Variants in MGRN1 observed in about 807,000 individuals in gnomAD.
MGRN1 encodes mahogunin ring finger 1, also known as E3 ubiquitin-protein ligase MGRN1.
A neutral mutation model predicts 69.2 loss-of-function variants in MGRN1; 29 were observed. That is an observed-to-expected ratio of 0.42 (90% CI 0.31 to 0.57). The LOEUF (loss-of-function observed/expected upper bound fraction) is 0.57. Among genes scored for constraint, MGRN1 ranks in the 20% least tolerant of loss-of-function variants. The pLI, the probability that MGRN1 is intolerant of heterozygous loss-of-function variation, is 0.15. For missense variants in MGRN1, 998 were observed against 796.2 expected, an observed-to-expected ratio of 1.25 and a Z score of -3.05; for synonymous variants, 470 against 344.2, an observed-to-expected ratio of 1.37 and a Z score of -4.04.
chr16:4,690,297 C>T lies in MGRN1; in HGVS notation c.*1389C>T, dbSNP rs1329684091. The T allele has an allele frequency of 1.3e-5, 2 of 152,090 alleles. No homozygotes were observed. The highest frequency in any genetic ancestry group is 2.9e-5 in the Non-Finnish European group (2 of 68,036). 9.4% of individuals were successfully genotyped at this position (152,090 alleles called of 1,614,324 possible). On this transcript the variant is annotated 3_prime_UTR_variant, in exon 17 of 17. Coordinates refer to ENST00000262370, the MANE Select transcript of MGRN1 (RefSeq NM_015246.4). ...TGGGCCTGGTGACCCAGGGCTGGAT[C>T]CACCCCTGCGGAGCCCTGGGCCAGG...
chr16:4,672,447 C>G (rs1484648469), intron 9 of MGRN1: 1 of 456,638 alleles, frequency 2.2e-6, no homozygotes, highest in Admixed American at 2.3e-5. Flanking sequence ...CATCTGGGCC[C>G]AGGACAACTG....
intron 1 of MGRN1, among the ~76,000 whole-genome samples, chr16:4,645,403 G>A (rs746665117): frequency 5.9e-5 from 9 of 152,082 alleles, no homozygotes; most frequent in Admixed American, 2.0e-4. Flanking sequence ...TCTGGGGCTC[G>A]AGCGATCCTC....
chr16:4,648,893 C>T (rs1298064979), intron 1 of MGRN1, among the ~76,000 whole-genome samples: 1 of 149,668 alleles, frequency 6.7e-6, no homozygotes, highest in Non-Finnish European at 1.5e-5. Flanking sequence ...TTCCCGTGGT[C>T]ACCCGGCTCC....
intron 1 of MGRN1, among the ~76,000 whole-genome samples, chr16:4,639,553 C>T (rs936692493): frequency 3.9e-5 from 6 of 152,218 alleles, no homozygotes; most frequent in Non-Finnish European, 8.8e-5. Flanking sequence ...GGACAGTTGT[C>T]TCCAAGGCCT....
chr16:4,625,110 G>C, intron 1 of MGRN1, 62 bp downstream of exon 1: 1 of 1,424,966 alleles, frequency 7.0e-7, no homozygotes, highest in African/African-American at 1.5e-5. Context: ...CCCGGCGGGC[G>C]CGGGGGCGGG....
At chr16:4,683,334 C>A in intron 15 of MGRN1, 65 bp downstream of exon 15, 4 of 1,573,646 alleles carry the variant, frequency 2.5e-6, no homozygotes, top group Non-Finnish European at 2.6e-6. Flanking sequence ...CTTACTGGGG[C>A]CTTAGGGCTC....
Position 4,688,867 on chromosome 16 carries a change from C to T in MGRN1, c.1690C>T (p.Pro564Ser), listed in dbSNP as rs1282097330. The T allele has an allele frequency of 1.9e-6, 3 of 1,554,232 alleles. No homozygotes were observed. Among genetic ancestry groups the T allele is most frequent in the Non-Finnish European group, 1.7e-6 (2 of 1,148,520 alleles). ...TSPTWPPLGG[P>S]SPDPSAAELT... Reference sequence around the variant, plus strand: ...CCCCACCTGGCCTCCACTTGGTGGCCCCAGCCCCGATCCCAGCGCCGCCGA... The same window carrying T: ...CCCCACCTGGCCTCCACTTGGTGGCTCCAGCCCCGATCCCAGCGCCGCCGA... The change falls in exon 17 of 17, where the codon CCC becomes TCC. Residue 564 changes from proline (P) to serine (S), a missense_variant. Coordinates refer to ENST00000262370, the MANE Select transcript of MGRN1 (RefSeq NM_015246.4).
At chr16:4,679,447 G>A (rs1183030224) in intron 11 of MGRN1, among the ~76,000 whole-genome samples, 2 of 152,030 alleles carry the variant, frequency 1.3e-5, no homozygotes, top group Non-Finnish European at 1.5e-5. Flanking sequence ...AAAAGCAAAC[G>A]CTCCTCCTCA....
intron 11 of MGRN1, among the ~76,000 whole-genome samples, chr16:4,678,227 C>G (rs551995135): frequency 2.0e-5 from 3 of 152,246 alleles, no homozygotes; most frequent in Non-Finnish European, 4.4e-5. Flanking sequence ...CTCCCACGCT[C>G]CAGGCCCACC....
intron 5 of MGRN1, among the ~76,000 whole-genome samples, chr16:4,663,289 G>A (rs766339133): frequency 1.3e-5 from 2 of 150,658 alleles, no homozygotes; most frequent in Non-Finnish European, 2.9e-5. Context: ...GTCTCAAACT[G>A]CTGACCTCAG....
At chr16:4,646,087 G>A (rs1432954345) in intron 1 of MGRN1, among the ~76,000 whole-genome samples, 1 of 151,688 alleles carries the variant, frequency 6.6e-6, no homozygotes, top group Non-Finnish European at 1.5e-5. Context: ...GGTGAGGGTC[G>A]GGATTGGGAG....
chr16:4,660,976 C>G (rs2078666242), intron 5 of MGRN1, among the ~76,000 whole-genome samples: 1 of 152,156 alleles, frequency 6.6e-6, no homozygotes, highest in Non-Finnish European at 1.5e-5. Flanking sequence ...GTCCCTGCAG[C>G]CTTTTATTTT....
chr16:4,643,518 C>T lies in MGRN1; in HGVS notation c.89-6847C>T, dbSNP rs1035501736. On this transcript the variant is annotated intron_variant, in intron 1 of 16. Transcript: ENST00000262370. ...TCCCAAGTACCTGGGACTACAGGCG[C>T]GTGCCACCACACCTGGCTAATTTTT... 3.3e-5 allele frequency among the ~76,000 whole-genome samples: 5 copies of T among 151,560 alleles called. No homozygotes were observed. In the East Asian group the frequency reaches 5.8e-4, roughly 18 times the overall value.
chr16:4,633,692 A>C (rs1898125938), intron 1 of MGRN1: 1 of 151,342 alleles, frequency 6.6e-6, no homozygotes, highest in South Asian at 2.1e-4. Context: ...ACTCTGTCTC[A>C]AAAAATATAT....
At chr16:4,660,257 T>G (rs1220247279) in intron 5 of MGRN1, among the ~76,000 whole-genome samples, 2 of 152,224 alleles carry the variant, frequency 1.3e-5, no homozygotes, top group Admixed American at 6.5e-5. Flanking sequence ...GAGCCTGGGT[T>G]TGCCCCTCTG....
chr16:4,666,958 G>A (rs1241699901), intron 7 of MGRN1, among the ~76,000 whole-genome samples: 2 of 152,240 alleles, frequency 1.3e-5, no homozygotes, highest in Non-Finnish European at 2.9e-5. Flanking sequence ...ACCTGGCGGA[G>A]GTGGTGGGAC....
intron 1 of MGRN1, chr16:4,640,395 C>T (rs779235025): frequency 6.6e-6 from 1 of 152,258 alleles, no homozygotes; most frequent in Non-Finnish European, 1.5e-5. Context: ...TCGAGGCCTC[C>T]CACGGAAGGG....
chr16:4,679,910 C>T lies in MGRN1; in HGVS notation c.1066-122C>T, dbSNP rs551613903. On this transcript the variant is annotated intron_variant, in intron 11 of 16. Transcript: ENST00000262370. ...AGGACAGTCCCGAGATTCACGTCCCCCGGAAGCTTGTGAAGTTCTGCGCCA... is the reference window on the plus strand; with the variant it reads ...AGGACAGTCCCGAGATTCACGTCCCTCGGAAGCTTGTGAAGTTCTGCGCCA... 6.6e-5 allele frequency: 62 copies of T among 946,154 alleles called. No homozygotes were observed. In the African/African-American group the frequency reaches 9.2e-4, roughly 14 times the overall value. The allele number at this position is 946,154 out of a possible 1,614,324, so 58.6% of individuals were successfully genotyped here. A position where few individuals can be genotyped will look rare whatever the true frequency, so the allele number is the denominator to read the frequency against.
rs2078986863 is a variant in MGRN1, at chr16:4,673,484, C to T, written c.796-14C>T. On this transcript the variant is annotated splice_polypyrimidine_tract_variant and intron_variant, in intron 9 of 16. Transcript: ENST00000262370. Reference sequence around the variant, plus strand: ...TTTGGGAGGCTGCTGACCCACAAGCCCTTGTCCCGGCAGCCCTCGGACGAC... The same window carrying T: ...TTTGGGAGGCTGCTGACCCACAAGCTCTTGTCCCGGCAGCCCTCGGACGAC... The T allele has an allele frequency of 6.2e-7, 1 of 1,610,130 alleles. No homozygotes were observed. Among genetic ancestry groups the T allele is most frequent in the Non-Finnish European group, 8.5e-7 (1 of 1,179,344 alleles).
Sources: gnomAD v4.1 joint callset for allele counts (sites outside exome capture counted in the v4.1 genomes callset) on GRCh38, gnomAD v4.1.1 for gene constraint, MANE v1.5 for transcripts, NCBI Gene and HGNC (gene_info 2026-07-23, HGNC 2026-07-21) for gene names.